The following MBNL3 variants were observed in gnomAD, a reference collection of about 807,000 sequenced individuals.
The protein encoded by MBNL3 is muscleblind like splicing regulator 3.
In MBNL3, 6 loss-of-function variants were observed where a neutral mutation model predicts 24.5. The observed-to-expected ratio is 0.25, with a 90% CI of 0.13 to 0.48. The LOEUF (loss-of-function observed/expected upper bound fraction) is 0.48, where lower values mean the gene tolerates loss of function less well. Among genes scored for constraint, MBNL3 ranks in the 20% least tolerant of loss-of-function variants. MBNL3 has a pLI of 0.99. For missense variants in MBNL3, 230 were observed against 293.5 expected (o/e 0.78, Z 1.58); for synonymous variants, 100 against 101.7 (o/e 0.98, Z 0.10).
chrX:132,395,446 T>C (rs1051358086), intron 3 of MBNL3, among the ~76,000 whole-genome samples: 1 of 112,056 alleles, frequency 8.9e-6, no homozygotes, highest in African/African-American at 3.2e-5. Flanking sequence ...GTTTCAGATA[T>C]TTAAATTCCA....
chrX:132,404,804 C>A (rs192768080), intron 3 of MBNL3, among the ~76,000 whole-genome samples: 1 of 111,977 alleles, frequency 8.9e-6, no homozygotes, highest in African/African-American at 3.2e-5. Flanking sequence ...TGATTGTCCT[C>A]CCCCATTTTC....
chrX:132,449,395 CTTCT>C (rs1289638371), intron 1 of MBNL3, among the ~76,000 whole-genome samples: 5 of 105,230 alleles, frequency 4.8e-5, no homozygotes, highest in African/African-American at 7.1e-5. Flanking sequence ...ATGTAATGCC[CTTCT>C]TTGTCTCTTT....
chrX:132,411,245 A>G (rs1942689046), intron 2 of MBNL3: 4 of 754,058 alleles, frequency 5.3e-6, no homozygotes, highest in Non-Finnish European at 6.3e-6. Context: ...ACACATACAC[A>G]GGGCAATGAC....
At chrX:132,404,097 G>T (rs756137142) in intron 3 of MBNL3, among the ~76,000 whole-genome samples, 10 of 109,877 alleles carry the variant, frequency 9.1e-5, no homozygotes, top group Non-Finnish European at 1.9e-4. Flanking sequence ...AGATCATATA[G>T]TATTTGTTTT....
chrX:132,412,556 T>C (rs1603223125), intron 2 of MBNL3, among the ~76,000 whole-genome samples: 2 of 112,548 alleles, frequency 1.8e-5, no homozygotes, highest in African/African-American at 6.5e-5. Flanking sequence ...ACGCTTAGCT[T>C]TGTTTACGTT....
rs761838337 is a variant in MBNL3, at chrX:132,395,337, G to T, written c.343-3003C>A. On this transcript the variant is annotated intron_variant, in intron 3 of 8. Transcript: ENST00000370853. The stretch of plus-strand genomic sequence containing the variant: ...CCCTTGATGTCAGTTGAGCTAACAT[G>T]AACCTATCTGTGGGTTAATTTTTAT... Among the ~76,000 whole-genome samples, 7 of 111,695 alleles carry T rather than the reference G, an allele frequency of 6.3e-5. No individual in the cohort carries two copies. The South Asian group carries it at 2.6e-3, about 42-fold the overall frequency.
intron 2 of MBNL3, among the ~76,000 whole-genome samples, chrX:132,413,933 CT>C (rs759025057): frequency 7.1e-5 from 8 of 111,907 alleles, no homozygotes; most frequent in Non-Finnish European, 1.5e-4. Context: ...TTAATCTTTT[CT>C]TTTTTTCCTT....
At chrX:132,411,249 C>G in intron 2 of MBNL3, 1 of 753,993 alleles carries the variant, frequency 1.3e-6, no homozygotes, top group Middle Eastern at 7.6e-4. Flanking sequence ...ATACACAGGG[C>G]AATGACTTTG....
chrX:132,372,915 A>G lies in MBNL3; in HGVS notation c.*6751T>C, dbSNP rs1184600520. The G allele has an allele frequency of 2.7e-5, 3 of 111,399 alleles. No individual in the cohort carries two copies. The highest frequency in any genetic ancestry group is 9.8e-5 in the African/African-American group (3 of 30,703). 9.2% of individuals were successfully genotyped at this position (111,399 alleles called of 1,213,427 possible). A position where few individuals can be genotyped will look rare whatever the true frequency, so the allele number is the denominator to read the frequency against. The stretch of plus-strand genomic sequence containing the variant: ...TATTTAAAGATAAAATTTCTCTTCA[A>G]TAATCCAGCTTTTGAGTATTAGTGA... On this transcript the variant is annotated 3_prime_UTR_variant, in exon 9 of 9. Coordinates refer to ENST00000370853, the MANE Select transcript of MBNL3 (RefSeq NM_001386889.1).
chrX:132,434,152 A>C (rs1944965694), intron 2 of MBNL3, among the ~76,000 whole-genome samples: 1 of 112,429 alleles, frequency 8.9e-6, no homozygotes. Flanking sequence ...TCCCAAGGCC[A>C]TGAACAAGAA....
intron 3 of MBNL3, among the ~76,000 whole-genome samples, chrX:132,405,258 G>A (rs1735564110): frequency 8.9e-6 from 1 of 111,854 alleles, no homozygotes; most frequent in Non-Finnish European, 1.9e-5. Flanking sequence ...AAGATCATGG[G>A]AAATTGGGAA....
chrX:132,457,460 G>A (rs894473230), intron 1 of MBNL3, among the ~76,000 whole-genome samples: 3 of 110,986 alleles, frequency 2.7e-5, no homozygotes, highest in Non-Finnish European at 5.7e-5. Flanking sequence ...AGGAGATGGA[G>A]GAGGAGGAGT....
At chrX:132,394,192 ACT>A (rs927123355) in intron 3 of MBNL3, among the ~76,000 whole-genome samples, 2 of 111,207 alleles carry the variant, frequency 1.8e-5, no homozygotes, top group Admixed American at 9.6e-5. Flanking sequence ...CAGGAGAAGG[ACT>A]CTAAAGTCTG....
intron 1 of MBNL3, among the ~76,000 whole-genome samples, chrX:132,451,803 C>T (rs1446913565): frequency 1.8e-5 from 2 of 111,692 alleles, no homozygotes; most frequent in Non-Finnish European, 3.8e-5. Flanking sequence ...GTGGGGTAGG[C>T]ACCCAGGGGA....
rs1419531652 is a variant in MBNL3 at position 132,391,095 on chromosome X, C to T, written c.535-12G>A. The T allele has an allele frequency of 2.6e-6, 3 of 1,161,231 alleles. No homozygotes were observed. The highest frequency in any genetic ancestry group is 1.8e-5 in the African/African-American group (1 of 56,237). On this transcript the variant is annotated splice_polypyrimidine_tract_variant and intron_variant, in intron 4 of 8. Transcript: ENST00000370853. ...AATTCTCGGCAAACCTTAGAACACA[C>T]ACATGCACATACACACGCATCACAC...
intron 1 of MBNL3, among the ~76,000 whole-genome samples, chrX:132,466,857 T>C (rs748988023): frequency 1.8e-5 from 2 of 111,446 alleles, no homozygotes; most frequent in African/African-American, 3.3e-5. Context: ...CTCAAAATGT[T>C]AAACAATTCT....
intron 1 of MBNL3, among the ~76,000 whole-genome samples, chrX:132,477,481 C>A (rs1947501865): frequency 9.0e-6 from 1 of 111,707 alleles, no homozygotes; most frequent in Non-Finnish European, 1.9e-5. Flanking sequence ...CAGGAAGAGA[C>A]TTTTGGGAAA....
At chrX:132,426,760 C>T (rs1197776889) in intron 2 of MBNL3, among the ~76,000 whole-genome samples, 4 of 111,929 alleles carry the variant, frequency 3.6e-5, no homozygotes, top group Non-Finnish European at 7.5e-5. Flanking sequence ...TGGCTTATGG[C>T]ATATAACACA....
chrX:132,379,950 C>CT (rs1934555741), intron 8 of MBNL3, among the ~76,000 whole-genome samples: 1 of 112,579 alleles, frequency 8.9e-6, no homozygotes. Flanking sequence ...TATCTATCTA[C>CT]TTTTTGTTGA....
Sources: gnomAD v4.1 joint callset for allele counts (sites outside exome capture counted in the v4.1 genomes callset) on GRCh38, gnomAD v4.1.1 for gene constraint, MANE v1.5 for transcripts, NCBI Gene and HGNC (gene_info 2026-07-23, HGNC 2026-07-21) for gene names.